Variants in TFEC observed in about 807,000 individuals in gnomAD.
TFEC encodes transcription factor EC.
A neutral mutation model predicts 41.6 loss-of-function variants in TFEC; 31 were observed. The observed-to-expected ratio is 0.74, with a 90% CI of 0.56 to 1.01. TFEC has a LOEUF of 1.01. Among genes scored for constraint, TFEC ranks in the 50% least tolerant of loss-of-function variants. The pLI, the probability that TFEC is intolerant of heterozygous loss-of-function variation, is 0.00. For synonymous variants in TFEC, 143 were observed against 140.6 expected (o/e 1.02, Z -0.12); for missense variants, 402 against 404.1 (o/e 0.99, Z 0.04).
intron 3 of TFEC, among the ~76,000 whole-genome samples, chr7:116,096,766 G>C (rs944832017): frequency 6.6e-6 from 1 of 152,142 alleles, no homozygotes; most frequent in Admixed American, 6.6e-5. Context: ...TGTGCTCAAA[G>C]TATTTAGACA....
chr7:115,948,040 C>T (rs913148110), intron 6 of TFEC, among the ~76,000 whole-genome samples: 1 of 152,242 alleles, frequency 6.6e-6, no homozygotes, highest in Middle Eastern at 3.4e-3. Flanking sequence ...CACAGAAATA[C>T]AAACTACCAT....
At chr7:116,079,082 A>G (rs530187855) in intron 3 of TFEC, among the ~76,000 whole-genome samples, 1 of 152,166 alleles carries the variant, frequency 6.6e-6, no homozygotes, top group Non-Finnish European at 1.5e-5. Flanking sequence ...CAAAAATCAC[A>G]TGATCATCTC....
At chr7:116,003,178 G>C (rs1444459812) in intron 1 of TFEC, among the ~76,000 whole-genome samples, 1 of 151,884 alleles carries the variant, frequency 6.6e-6, no homozygotes, top group African/African-American at 2.4e-5. Flanking sequence ...TAAATTAAAA[G>C]TAGGGCTAGG....
intron 3 of TFEC, among the ~76,000 whole-genome samples, chr7:116,054,569 G>A (rs974418783): frequency 1.3e-5 from 2 of 152,218 alleles, no homozygotes; most frequent in Middle Eastern, 3.4e-3. Flanking sequence ...ACACTTAGCT[G>A]GTGAATGATG....
intron 1 of TFEC, among the ~76,000 whole-genome samples, chr7:116,008,689 C>T (rs1221328890): frequency 6.6e-6 from 1 of 152,164 alleles, no homozygotes; most frequent in Non-Finnish European, 1.5e-5. Flanking sequence ...TCTTTCCTCA[C>T]AGCAGTCTGT....
At chr7:115,990,576 C>T (rs984611051) in intron 1 of TFEC, among the ~76,000 whole-genome samples, 3 of 151,964 alleles carry the variant, frequency 2.0e-5, no homozygotes, top group Non-Finnish European at 4.4e-5. Flanking sequence ...ACGAGAATTA[C>T]GTGATGAATG....
rs531574819 is a variant in TFEC, at chr7:115,978,532, C to A, written c.181-4276G>T. Among the ~76,000 whole-genome samples the A allele has an allele frequency of 3.3e-5, 5 of 152,216 alleles. No individual in the cohort carries two copies. In the East Asian group the frequency reaches 9.7e-4, roughly 29 times the overall value. Reference sequence around the variant, plus strand: ...ACCTGAACAATTTTTATTTTATGACCCGTTATGCCTTTGCTCTGTTACCTT... The same window carrying A: ...ACCTGAACAATTTTTATTTTATGACACGTTATGCCTTTGCTCTGTTACCTT... On this transcript the variant is annotated intron_variant, in intron 2 of 7. Coordinates refer to ENST00000265440, the MANE Select transcript of TFEC (RefSeq NM_012252.4).
At chr7:115,999,477 GA>G in intron 1 of TFEC, among the ~76,000 whole-genome samples, 1 of 151,828 alleles carries the variant, frequency 6.6e-6, no homozygotes, top group African/African-American at 2.4e-5. Context: ...TGCAAGATCA[GA>G]ACAGAAATAA....
chr7:116,134,541 C>A (rs945712490), intron 1 of TFEC, among the ~76,000 whole-genome samples: 1 of 151,944 alleles, frequency 6.6e-6, no homozygotes, highest in African/African-American at 2.4e-5. Context: ...TTATTCACTT[C>A]TTTTTATTAC....
chr7:116,107,292 A>G (rs1420699814), intron 3 of TFEC, among the ~76,000 whole-genome samples: 1 of 152,004 alleles, frequency 6.6e-6, no homozygotes, highest in Non-Finnish European at 1.5e-5. Context: ...CTCTCTCCCT[A>G]CAGCCATCAA....
chr7:116,051,211 G>A (rs978067124), intron 3 of TFEC, among the ~76,000 whole-genome samples: 5 of 152,148 alleles, frequency 3.3e-5, no homozygotes, highest in African/African-American at 9.7e-5. Context: ...ACGAGTTAAC[G>A]AGTGCAGCAC....
chr7:115,956,699 G>A lies in TFEC; in HGVS notation c.362C>T (p.Pro121Leu). The A allele has an allele frequency of 6.2e-7, 1 of 1,607,096 alleles. No homozygotes were observed. Among genetic ancestry groups the A allele is most frequent in the Non-Finnish European group, 8.5e-7 (1 of 1,176,302 alleles). The part of the protein sequence containing the change: ...LTSASCPSSL[P>L]MKREITETDT... ...ATTACCTGTAATTTCTCTTTTCATT[G>A]GTAGACTACTTGGACAAGAAGCACT... The change falls in exon 4 of 8, where the codon CCA becomes CTA. Residue 121 changes from proline to leucine, a missense_variant. Pro to Leu is a moderately conservative substitution (Grantham distance 98, BLOSUM62 -3). Transcript: ENST00000265440.
chr7:115,969,614 G>C (rs1029708017), intron 3 of TFEC, among the ~76,000 whole-genome samples: 2 of 151,958 alleles, frequency 1.3e-5, no homozygotes, highest in Admixed American at 1.3e-4. Context: ...ATAATAAAGT[G>C]TCTGGATTAT....
chr7:115,985,159 A>G (rs1793796060), intron 1 of TFEC, among the ~76,000 whole-genome samples: 1 of 152,142 alleles, frequency 6.6e-6, no homozygotes, highest in Admixed American at 6.5e-5. Flanking sequence ...AGTCATTATT[A>G]TGACTTGACA....
intron 1 of TFEC, among the ~76,000 whole-genome samples, chr7:115,993,067 A>G (rs1794197620): frequency 6.6e-6 from 1 of 152,204 alleles, no homozygotes; most frequent in Non-Finnish European, 1.5e-5. Flanking sequence ...AAAATCAATA[A>G]ACGTAATTCA....
At chr7:116,121,877 T>G (rs1454410533) in intron 1 of TFEC, among the ~76,000 whole-genome samples, 1 of 151,934 alleles carries the variant, frequency 6.6e-6, no homozygotes, top group East Asian at 1.9e-4. Context: ...CACTCAAGAA[T>G]AAATCAGTAA....
intron 1 of TFEC, chr7:116,117,550 C>G (rs1798018091): frequency 6.6e-6 from 1 of 151,798 alleles, no homozygotes; most frequent in Non-Finnish European, 1.5e-5. Flanking sequence ...CTTATCCTAT[C>G]TAAAGAATGT....
chr7:116,048,580 T>C (rs1796229538), intron 3 of TFEC, among the ~76,000 whole-genome samples: 1 of 152,148 alleles, frequency 6.6e-6, no homozygotes, highest in Admixed American at 6.5e-5. Context: ...CAGGAGAACT[T>C]CCCCAATCTA....
At chr7:115,952,610 T>C (rs1176045119) in intron 5 of TFEC, among the ~76,000 whole-genome samples, 3 of 152,088 alleles carry the variant, frequency 2.0e-5, no homozygotes, top group African/African-American at 4.8e-5. Flanking sequence ...CTACTCTTCT[T>C]AGGTAGTAGT....
Sources: allele counts gnomAD v4.1 joint callset (sites outside exome capture counted in the v4.1 genomes callset), GRCh38; gene constraint gnomAD v4.1.1; transcripts MANE v1.5; gene names NCBI Gene and HGNC (gene_info 2026-07-23, HGNC 2026-07-21).